The following TNNI3K variants were observed in gnomAD, a reference collection of about 807,000 sequenced individuals.
TNNI3K encodes serine/threonine-protein kinase TNNI3K.
TNNI3K carries 140 observed loss-of-function variants against 114.5 expected under a neutral mutation model. That is an observed-to-expected ratio of 1.22 (90% CI 1.07 to 1.41). The LOEUF is 1.41. TNNI3K is among the 40% of genes most tolerant of loss of function. TNNI3K has a pLI of 0.00. For synonymous variants in TNNI3K, 347 were observed against 347.5 expected (o/e 1.00, Z 0.02); for missense variants, 1,125 against 1,007.6 (o/e 1.12, Z -1.58).
chr1:74,452,118 C>G (rs1667052955), intron 20 of TNNI3K, among the ~76,000 whole-genome samples: 1 of 152,184 alleles, frequency 6.6e-6, no homozygotes, highest in African/African-American at 2.4e-5. Context: ...GATTCTGTAC[C>G]TCTCACATTA....
chr1:74,385,792 G>A (rs1416847267), intron 17 of TNNI3K, among the ~76,000 whole-genome samples: 1 of 152,132 alleles, frequency 6.6e-6, no homozygotes, highest in East Asian at 1.9e-4. Context: ...GTAGGTTCTG[G>A]TCTGATGCAA....
intron 11 of TNNI3K, among the ~76,000 whole-genome samples, chr1:74,359,462 A>G (rs563452204): frequency 6.6e-6 from 1 of 152,168 alleles, no homozygotes; most frequent in Admixed American, 6.6e-5. Context: ...TGAAGGGCTT[A>G]TATTCCTGCC....
intron 21 of TNNI3K, among the ~76,000 whole-genome samples, chr1:74,477,859 C>A (rs3737566): frequency 6.6e-6 from 1 of 152,078 alleles, no homozygotes; most frequent in East Asian, 1.9e-4. Flanking sequence ...TAACAATCTA[C>A]CTGTGTTGGC....
At chr1:74,383,641 G>A (rs774167991) in intron 17 of TNNI3K, among the ~76,000 whole-genome samples, 6 of 152,020 alleles carry the variant, frequency 3.9e-5, no homozygotes, top group Non-Finnish European at 8.8e-5. Flanking sequence ...AGCTTAATTG[G>A]TACAGGAGCT....
intron 17 of TNNI3K, among the ~76,000 whole-genome samples, chr1:74,396,587 T>C (rs948382938): frequency 2.0e-5 from 3 of 152,134 alleles, no homozygotes; most frequent in Non-Finnish European, 4.4e-5. Flanking sequence ...CCATGACCAT[T>C]TGGGAGAGAC....
intron 9 of TNNI3K, among the ~76,000 whole-genome samples, chr1:74,349,377 A>G (rs1350514705): frequency 6.6e-6 from 1 of 152,070 alleles, no homozygotes; most frequent in African/African-American, 2.4e-5. Flanking sequence ...GTTTGCCAGT[A>G]TTTTATTGAG....
chr1:74,460,578 A>G (rs1297002864), intron 20 of TNNI3K, among the ~76,000 whole-genome samples: 1 of 152,240 alleles, frequency 6.6e-6, no homozygotes, highest in Non-Finnish European at 1.5e-5. Flanking sequence ...TTTTGTAGCA[A>G]TCAAGGTAAA....
At chr1:74,525,899 G>T (rs1221167807) in intron 23 of TNNI3K, among the ~76,000 whole-genome samples, 1 of 152,154 alleles carries the variant, frequency 6.6e-6, no homozygotes, top group Admixed American at 6.5e-5. Context: ...AAGAGAAGAG[G>T]TTTTCAATGA....
chr1:74,259,925 A>T (rs962480032), intron 4 of TNNI3K, among the ~76,000 whole-genome samples: 12 of 152,202 alleles, frequency 7.9e-5, no homozygotes, highest in Admixed American at 3.9e-4. Context: ...GTACATTTTT[A>T]AAAAAATCTC....
intron 23 of TNNI3K, among the ~76,000 whole-genome samples, chr1:74,535,226 A>T (rs998829657): frequency 1.3e-4 from 20 of 152,186 alleles, no homozygotes; most frequent in African/African-American, 4.8e-4. Context: ...CCTGTAATCC[A>T]AGCACTTTGG....
intron 21 of TNNI3K, chr1:74,468,681 G>A (rs912188231): frequency 2.0e-5 from 3 of 152,056 alleles, no homozygotes; most frequent in African/African-American, 7.2e-5. Flanking sequence ...GGTTTATAAA[G>A]CTTATTTATT....
intron 17 of TNNI3K, among the ~76,000 whole-genome samples, chr1:74,387,392 A>G (rs1424873408): frequency 6.6e-6 from 1 of 152,200 alleles, no homozygotes; most frequent in Non-Finnish European, 1.5e-5. Context: ...ATTTTGGTCA[A>G]ATGTTTGTAT....
intron 21 of TNNI3K, chr1:74,469,459 T>C (rs141379826): frequency 6.5e-6 from 1 of 153,720 alleles, no homozygotes; most frequent in Non-Finnish European, 1.4e-5. Flanking sequence ...TAATTATCCA[T>C]GTAGAAAGCA....
intron 23 of TNNI3K, among the ~76,000 whole-genome samples, chr1:74,503,325 G>T (rs141347625): frequency 1.3e-5 from 2 of 151,974 alleles, no homozygotes; most frequent in African/African-American, 2.4e-5. Flanking sequence ...AACCAAAAAG[G>T]GTCTTTGGCT....
chr1:74,486,304 T>G (rs1557599555), intron 21 of TNNI3K, among the ~76,000 whole-genome samples: 1 of 151,844 alleles, frequency 6.6e-6, no homozygotes, highest in Non-Finnish European at 1.5e-5. Flanking sequence ...TTTTATTAAC[T>G]TTCCAGTGCC....
chr1:74,335,358 A>G (rs952212041), intron 6 of TNNI3K, among the ~76,000 whole-genome samples: 3 of 152,220 alleles, frequency 2.0e-5, no homozygotes, highest in South Asian at 2.1e-4. Flanking sequence ...CGTTAACAAC[A>G]TAAGGTCAGT....
chr1:74,421,908 G>A (rs542590413), intron 17 of TNNI3K, among the ~76,000 whole-genome samples: 2 of 151,658 alleles, frequency 1.3e-5, no homozygotes, highest in South Asian at 4.2e-4. Flanking sequence ...AAAACCAAGA[G>A]TCACATGCAA....
chr1:74,516,070 C>T (rs1324322917), intron 23 of TNNI3K, among the ~76,000 whole-genome samples: 1 of 152,220 alleles, frequency 6.6e-6, no homozygotes, highest in Non-Finnish European at 1.5e-5. Context: ...AAGCCATCTT[C>T]TGTGGATCTT....
At position 74,368,950 on chromosome 1, in the gene TNNI3K, A is replaced by C. The variant is rs146459223; in HGVS notation, c.1322-72A>C. On this transcript the variant is annotated intron_variant, in intron 13 of 24. Transcript: ENST00000326637. ...AAATTATGTTTTTAGTTAAATATAT[A>C]TATGCACATGTATACACATCCATGT... 971 of 1,174,420 alleles carry C rather than the reference A, an allele frequency of 8.3e-4. 12 individuals carry two copies. In the East Asian group the frequency reaches 0.023, roughly 28 times the overall value. The allele number at this position is 1,174,420 out of a possible 1,614,324, so 72.7% of individuals were successfully genotyped here. A position where few individuals can be genotyped will look rare whatever the true frequency, so the allele number is the denominator to read the frequency against.
Sources: allele counts gnomAD v4.1 joint callset (sites outside exome capture counted in the v4.1 genomes callset), GRCh38; gene constraint gnomAD v4.1.1; transcripts MANE v1.5; gene names NCBI Gene and HGNC (gene_info 2026-07-23, HGNC 2026-07-21).